Variants in LIG1 observed in about 807,000 individuals in gnomAD.
LIG1 encodes the protein ligase I, DNA, ATP-dependent.
Under a neutral mutation model 115.7 loss-of-function variants are expected in LIG1, and 70 were observed. The observed-to-expected ratio is 0.60, with a 90% CI of 0.50 to 0.74. The LOEUF (loss-of-function observed/expected upper bound fraction) is 0.74. LIG1 is among the 30% of genes least tolerant of loss of function. The pLI is 0.00. For missense variants in LIG1, 1,115 were observed against 1,225.6 expected, an observed-to-expected ratio of 0.91 and a Z score of 1.35; for synonymous variants, 487 against 495.3, an observed-to-expected ratio of 0.98 and a Z score of 0.22.
chr19:48,157,794 G>A (rs1033664822), intron 4 of LIG1, among the ~76,000 whole-genome samples: 8 of 152,128 alleles, frequency 5.3e-5, no homozygotes, highest in South Asian at 2.1e-4. Flanking sequence ...CGATCCTCCC[G>A]CCTTGGCCTC....
At chr19:48,119,471 C>T (rs569535982) in intron 24 of LIG1, among the ~76,000 whole-genome samples, 13 of 151,666 alleles carry the variant, frequency 8.6e-5, no homozygotes, top group African/African-American at 3.1e-4. Flanking sequence ...CAGGAAGTCA[C>T]TCCCTTATGC....
intron 2 of LIG1, among the ~76,000 whole-genome samples, chr19:48,163,279 T>C (rs149761462): frequency 0.012 from 1,789 of 151,678 alleles, 38 homozygotes; most frequent in African/African-American, 0.042. Flanking sequence ...TGGAGTGCAA[T>C]GGTGCAATCT....
Position 48,137,406 on chromosome 19 carries a change from A to G in LIG1, c.1254+116T>C. The G allele has an allele frequency of 7.5e-7, 1 of 1,329,166 alleles. No individual in the cohort carries two copies. Among genetic ancestry groups the G allele is most frequent in the Non-Finnish European group, 1.0e-6 (1 of 958,534 alleles). The allele number at this position is 1,329,166 out of a possible 1,614,324, so 82.3% of individuals were successfully genotyped here. A position where few individuals can be genotyped will look rare whatever the true frequency, so the allele number is the denominator to read the frequency against. ...AGGAGGAGAGGAAGCTGTGCACCCC[A>G]TGAGAAGGACTGATGCGACCCAGCT... On this transcript the variant is annotated intron_variant, in intron 13 of 27. Coordinates refer to ENST00000263274, the MANE Select transcript of LIG1 (RefSeq NM_000234.3). The surrounding 1 kb of genome is among the most constrained non-coding windows in gnomAD (Gnocchi z 4.3).
chr19:48,161,081 G>A, intron 4 of LIG1: 1 of 471,672 alleles, frequency 2.1e-6, no homozygotes, highest in Non-Finnish European at 3.9e-6. Context: ...AGATCTGTAT[G>A]TAAATCGACT....
chr19:48,119,178 A>T lies in LIG1; in HGVS notation c.2398T>A (p.Phe800Ile). The T allele has an allele frequency of 1.3e-6, 2 of 1,584,806 alleles. No homozygotes were observed. The highest frequency in any genetic ancestry group is 1.7e-6 in the Non-Finnish European group (2 of 1,165,622). ...TGCTCCTCCAGCTCCTCATCACTGA[A>T]GCCAGTTCCAAGCTGCAGGGAGGAA... ...LQAICKLGTG[F>I]SDEELEEHHQ... Residue 800 changes from phenylalanine (F) to isoleucine (I), a missense_variant, in exon 25 of 28, where the codon TTC (phenylalanine) becomes ATC (isoleucine). Coordinates refer to ENST00000263274, the MANE Select transcript of LIG1 (RefSeq NM_000234.3).
At chr19:48,167,668 T>C (rs1217112706) in intron 1 of LIG1, among the ~76,000 whole-genome samples, 1 of 151,346 alleles carries the variant, frequency 6.6e-6, no homozygotes, top group Non-Finnish European at 1.5e-5. Context: ...CTACTAAAAA[T>C]GCAAAAAATT....
intron 16 of LIG1, among the ~76,000 whole-genome samples, chr19:48,134,607 G>A (rs2034262690): frequency 6.6e-6 from 1 of 152,272 alleles, no homozygotes; most frequent in Admixed American, 6.5e-5. Flanking sequence ...GCAGTGAGCT[G>A]AGATTGTGCT....
chr19:48,165,455 TTTTG>T (rs1167945846), intron 2 of LIG1, 91 bp downstream of exon 2: 122 of 1,049,982 alleles, frequency 1.2e-4, no homozygotes, highest in South Asian at 7.4e-4. Context: ...ACGTAAGAGT[TTTTG>T]TTTGTTTGTT....
At chr19:48,134,145 C>G in intron 16 of LIG1, 79 bp from the exon 17 acceptor site, 1 of 1,344,994 alleles carries the variant, frequency 7.4e-7, no homozygotes, top group Non-Finnish European at 1.0e-6. Context: ...CGGCCTGCTC[C>G]CAGAAGCCTG....
chr19:48,126,719 C>G (rs560956821), intron 21 of LIG1, among the ~76,000 whole-genome samples: 1 of 151,280 alleles, frequency 6.6e-6, no homozygotes, highest in Admixed American at 6.6e-5. Context: ...AAAAATAAAT[C>G]CAATATGCTC....
At chr19:48,150,424 G>A (rs1226621038) in intron 7 of LIG1, among the ~76,000 whole-genome samples, 1 of 152,150 alleles carries the variant, frequency 6.6e-6, no homozygotes, top group Non-Finnish European at 1.5e-5. Flanking sequence ...CCTGAAATAG[G>A]AGACTTAGGA....
intron 1 of LIG1, among the ~76,000 whole-genome samples, chr19:48,167,009 AG>A (rs958613933): frequency 1.1e-4 from 17 of 151,048 alleles, no homozygotes; most frequent in Non-Finnish European, 1.8e-4. Flanking sequence ...AAGAAAAGAA[AG>A]GGTTCTTAAT....
intron 9 of LIG1, among the ~76,000 whole-genome samples, chr19:48,145,498 G>C (rs1013716179): frequency 1.2e-4 from 18 of 152,298 alleles, no homozygotes; most frequent in African/African-American, 2.6e-4. Flanking sequence ...ACAAGGGTTG[G>C]GGGGGAGAAA....
chr19:48,151,441 T>C (rs1349838185), intron 6 of LIG1, 102 bp from the exon 7 acceptor site: 6 of 798,388 alleles, frequency 7.5e-6, no homozygotes, highest in East Asian at 2.6e-5. Context: ...ATCTGTTCTT[T>C]TTTTTGAGAC....
Position 48,150,089 on chromosome 19 carries a change from G to A in LIG1, c.696C>T (p.Phe232=), listed in dbSNP as rs2035371567. The change falls in exon 8 of 28, where the codon TTC becomes TTT. Residue 232 remains phenylalanine (F), a splice_region_variant and synonymous_variant. Coordinates refer to ENST00000263274, the MANE Select transcript of LIG1 (RefSeq NM_000234.3). ...GTGGGGTGAGCAAGGGAAACTCACTGAAGAAGCTGCTGAGCGTCTTGGGAG... is the reference window on the plus strand; with the variant it reads ...GTGGGGTGAGCAAGGGAAACTCACTAAAGAAGCTGCTGAGCGTCTTGGGAG... ...RRAPKTLSSF[F]TPRKPAVKKE... 1 of 1,614,064 alleles carries A rather than the reference G, an allele frequency of 6.2e-7. No homozygotes were observed. The highest frequency in any genetic ancestry group is 1.3e-5 in the African/African-American group (1 of 74,928).
chr19:48,166,163 G>A (rs1445192440), intron 1 of LIG1, among the ~76,000 whole-genome samples: 5 of 152,196 alleles, frequency 3.3e-5, no homozygotes, highest in African/African-American at 1.2e-4. Context: ...TTGGGAGGCC[G>A]AGGTGGGTGG....
intron 9 of LIG1, among the ~76,000 whole-genome samples, chr19:48,148,745 G>A (rs7246512): frequency 0.3 from 46,069 of 152,016 alleles, 9,589 homozygotes; most frequent in African/African-American, 0.6. Context: ...TCTTCAGTGC[G>A]GCCTCCTGTG....
rs1205813340 is a variant in LIG1, at chr19:48,137,614, T to C, written c.1162A>G (p.Ser388Gly). 3 of 1,612,432 alleles carry C rather than the reference T, an allele frequency of 1.9e-6. No individual in the cohort carries two copies. The highest frequency in any genetic ancestry group is 1.7e-5 in the Admixed American group (1 of 60,012). The change falls in exon 13 of 28, where the codon AGC becomes GGC. Residue 388 changes from serine to glycine, a missense_variant. Coordinates refer to ENST00000263274, the MANE Select transcript of LIG1 (RefSeq NM_000234.3). The surrounding 1 kb of genome is among the most constrained non-coding windows in gnomAD (Gnocchi z 4.3). Reference protein sequence around the residue: ...DVGLVAENSRSTQRLMLPPPP... With the variant: ...DVGLVAENSRGTQRLMLPPPP... ...GGTGGCAGCATGAGCCTCTGGGTGC[T>C]GCGGCTGTTCTCGGCCACCAGCCCC...
intron 3 of LIG1, among the ~76,000 whole-genome samples, chr19:48,162,004 C>T (rs1331980562): frequency 2.0e-5 from 3 of 146,660 alleles, no homozygotes; most frequent in Admixed American, 6.7e-5. Flanking sequence ...CAGTGGCCAG[C>T]GGCCAGCTTC....
Sources: gnomAD v4.1 joint callset for allele counts (sites outside exome capture counted in the v4.1 genomes callset) on GRCh38, gnomAD v4.1.1 for gene constraint, Gnocchi (gnomAD v3.1) non-coding constraint, MANE v1.5 for transcripts, NCBI Gene and HGNC (gene_info 2026-07-23, HGNC 2026-07-21) for gene names.